EFCAB6: variants seen among roughly 807,000 people sequenced by gnomAD.
EFCAB6 encodes the protein EF-hand calcium-binding domain-containing protein 6.
In EFCAB6, 156 loss-of-function variants were observed where a neutral mutation model predicts 169.8. The observed-to-expected ratio is 0.92, with a 90% CI of 0.81 to 1.05. EFCAB6 has a LOEUF of 1.05. EFCAB6 is among the 50% of genes least tolerant of loss of function. EFCAB6 has a pLI of 0.00. For missense variants in EFCAB6, 1,800 were observed against 1,829.1 expected, an observed-to-expected ratio of 0.98 and a Z score of 0.29; for synonymous variants, 698 against 676.4, an observed-to-expected ratio of 1.03 and a Z score of -0.50.
intron 6 of EFCAB6, among the ~76,000 whole-genome samples, chr22:43,736,655 T>C (rs1360695360): frequency 6.6e-6 from 1 of 151,968 alleles, no homozygotes; most frequent in African/African-American, 2.4e-5. Flanking sequence ...CACACAATGT[T>C]AGGATAGACC....
chr22:43,601,911 T>C (rs575758534), intron 22 of EFCAB6, among the ~76,000 whole-genome samples: 1 of 152,318 alleles, frequency 6.6e-6, no homozygotes, highest in South Asian at 2.1e-4. Context: ...TCCTCTGCCA[T>C]GTGTCTGCCA....
intron 10 of EFCAB6, among the ~76,000 whole-genome samples, chr22:43,703,008 C>A (rs1465451410): frequency 2.0e-5 from 3 of 152,178 alleles, no homozygotes; most frequent in Non-Finnish European, 2.9e-5. Flanking sequence ...GGCAGGAAGG[C>A]AAACGTGAAC....
intron 2 of EFCAB6, among the ~76,000 whole-genome samples, chr22:43,790,532 A>G (rs377487246): frequency 1.3e-5 from 2 of 152,248 alleles, no homozygotes; most frequent in African/African-American, 4.8e-5. Flanking sequence ...GAAGACATTA[A>G]GCAAAGATCT....
At chr22:43,670,642 G>A (rs1187651949) in intron 15 of EFCAB6, among the ~76,000 whole-genome samples, 10 of 152,168 alleles carry the variant, frequency 6.6e-5, no homozygotes, top group Non-Finnish European at 1.3e-4. Flanking sequence ...TATTATAATC[G>A]CTCCCATAAA....
chr22:43,588,405 G>C (rs1204272281), intron 24 of EFCAB6, among the ~76,000 whole-genome samples: 1 of 152,102 alleles, frequency 6.6e-6, no homozygotes, highest in African/African-American at 2.4e-5. Context: ...ACAAGAGTAG[G>C]ATGTTATAAA....
At chr22:43,556,409 G>C (rs900892566) in intron 26 of EFCAB6, among the ~76,000 whole-genome samples, 1 of 152,142 alleles carries the variant, frequency 6.6e-6, no homozygotes, top group Non-Finnish European at 1.5e-5. Flanking sequence ...TTCCCAAGGT[G>C]ACCACACAAG....
intron 6 of EFCAB6, among the ~76,000 whole-genome samples, chr22:43,753,633 C>T (rs541015212): frequency 1.3e-5 from 2 of 152,242 alleles, no homozygotes; most frequent in South Asian, 2.1e-4. Context: ...ACATGAGCGT[C>T]GGTTGGAGGG....
intron 5 of EFCAB6, among the ~76,000 whole-genome samples, chr22:43,762,386 G>A (rs1338242358): frequency 6.6e-6 from 1 of 152,094 alleles, no homozygotes; most frequent in African/African-American, 2.4e-5. Context: ...AATTCACCAG[G>A]ATTTGGCCAA....
chr22:43,586,340 ATTTTTTTTTTTTT>A (rs36058832), intron 24 of EFCAB6, among the ~76,000 whole-genome samples: 1 of 72,924 alleles, frequency 1.4e-5, no homozygotes, highest in East Asian at 4.0e-4. Flanking sequence ...GCAACAACTG[ATTTTTTTTTTTTT>A]TTTTTTTTTT....
At chr22:43,714,672 A>G (rs1216109268) in intron 9 of EFCAB6, among the ~76,000 whole-genome samples, 1 of 152,218 alleles carries the variant, frequency 6.6e-6, no homozygotes, top group Non-Finnish European at 1.5e-5. Context: ...ACATTAAAGG[A>G]AAAGAAAGCA....
intron 23 of EFCAB6, among the ~76,000 whole-genome samples, chr22:43,594,101 C>T (rs932786763): frequency 6.6e-6 from 1 of 151,862 alleles, no homozygotes; most frequent in African/African-American, 2.4e-5. Flanking sequence ...AAGGGAGAAA[C>T]CCCGTCTCTG....
chr22:43,648,429 C>T (rs1245887348), intron 17 of EFCAB6, among the ~76,000 whole-genome samples: 1 of 152,160 alleles, frequency 6.6e-6, no homozygotes, highest in Non-Finnish European at 1.5e-5. Flanking sequence ...CAGCTGGAGG[C>T]CATTATCCTA....
intron 5 of EFCAB6, among the ~76,000 whole-genome samples, chr22:43,762,068 G>A (rs573825493): frequency 3.5e-4 from 53 of 152,260 alleles, no homozygotes; most frequent in African/African-American, 1.1e-3. Context: ...GGCACACCCC[G>A]TCCAGGATTA....
rs940369601 is a variant in EFCAB6 at position 43,554,705 on chromosome 22, A to C, written c.3648+164T>G. 7.8e-6 allele frequency: 5 copies of C among 639,478 alleles called. No homozygotes were observed. The African/African-American group carries it at 9.2e-5, about 12-fold the overall frequency. 39.6% of individuals were successfully genotyped at this position (639,478 alleles called of 1,614,324 possible). On this transcript the variant is annotated intron_variant, in intron 27 of 31. Coordinates refer to ENST00000262726, the MANE Select transcript of EFCAB6 (RefSeq NM_022785.4). The stretch of plus-strand genomic sequence containing the variant: ...GGTGTAATTTATAGTTGTTACATAA[A>C]CAGAAGATTCCTGTGAATCTTCAGG...
chr22:43,560,163 C>G (rs1375160651), intron 26 of EFCAB6, among the ~76,000 whole-genome samples: 1 of 152,146 alleles, frequency 6.6e-6, no homozygotes, highest in Non-Finnish European at 1.5e-5. Flanking sequence ...GAAATCCTTT[C>G]TCAAGTTATA....
At chr22:43,648,990 T>C (rs1343364085) in intron 17 of EFCAB6, among the ~76,000 whole-genome samples, 1 of 151,940 alleles carries the variant, frequency 6.6e-6, no homozygotes, top group African/African-American at 2.4e-5. Flanking sequence ...GGGGAAAGAG[T>C]GTCCTCAGGA....
In EFCAB6 at chr22:43,771,819, GT is replaced by G. The variant is rs1420077168; in HGVS notation, c.351+1072del. Among the ~76,000 whole-genome samples the G allele has an allele frequency of 2.0e-5, 3 of 152,102 alleles. No homozygotes were observed. In the East Asian group the frequency reaches 5.8e-4, roughly 29 times the overall value. ...CAGCCTCTAGGATAAATGTCGAACT[GT>G]TTTACGAAGTACTTTTCTGAATTGG... On this transcript the variant is annotated intron_variant, in intron 4 of 31. Coordinates refer to ENST00000262726, the MANE Select transcript of EFCAB6 (RefSeq NM_022785.4).
chr22:43,541,872 T>C (rs1297173706), intron 27 of EFCAB6, among the ~76,000 whole-genome samples: 1 of 152,220 alleles, frequency 6.6e-6, no homozygotes, highest in African/African-American at 2.4e-5. Context: ...GTCAAACATC[T>C]GGCAAAGGGG....
In EFCAB6 at chr22:43,555,115, A is replaced by G; in HGVS notation, c.3421-19T>C. 6.2e-7 allele frequency: 1 copy of G among 1,613,184 alleles called. No homozygotes were observed. Among genetic ancestry groups the G allele is most frequent in the Non-Finnish European group, 8.5e-7 (1 of 1,179,260 alleles). On this transcript the variant is annotated intron_variant, in intron 26 of 31. Coordinates refer to ENST00000262726, the MANE Select transcript of EFCAB6 (RefSeq NM_022785.4). ...CAGCTGTCTGGACAAAATAGAATGG[A>G]AATTGATCCATGTGAGAAATAATCG... is the stretch of plus-strand genomic sequence containing the variant.
Sources: allele counts gnomAD v4.1 joint callset (sites outside exome capture counted in the v4.1 genomes callset), GRCh38; gene constraint gnomAD v4.1.1; transcripts MANE v1.5; gene names NCBI Gene and HGNC (gene_info 2026-07-23, HGNC 2026-07-21).